The following PXK variants were observed in gnomAD, a reference collection of about 807,000 sequenced individuals.
PXK encodes PX domain-containing protein kinase-like protein.
PXK carries 35 observed loss-of-function variants against 84.7 expected under a neutral mutation model. That is an observed-to-expected ratio of 0.41 (90% CI 0.32 to 0.55). PXK has a LOEUF of 0.55. Ranked by LOEUF, PXK falls within the 20% of genes least tolerant of loss-of-function variation. PXK has a pLI of 0.21. For missense variants in PXK, 634 were observed against 699.7 expected, an observed-to-expected ratio of 0.91 and a Z score of 1.06; for synonymous variants, 253 against 260.8, an observed-to-expected ratio of 0.97 and a Z score of 0.29.
At chr3:58,343,692 A>C (rs185857810) in intron 1 of PXK, among the ~76,000 whole-genome samples, 16 of 152,198 alleles carry the variant, frequency 1.1e-4, no homozygotes, top group Non-Finnish European at 1.3e-4. Context: ...TCCAGACTTT[A>C]TTGTCTATGT....
chr3:58,333,059 T>C lies in PXK; in HGVS notation c.71T>C (p.Ile24Thr). ...LDDTVPLTAA[I>T]EASQSLQSHT... Reference sequence around the variant, plus strand: ...GACACGGTGCCGCTGACAGCAGCCATCGAGGCGAGCCAGAGCCTGCAGTCC... The same window carrying C: ...GACACGGTGCCGCTGACAGCAGCCACCGAGGCGAGCCAGAGCCTGCAGTCC... Residue 24 changes from isoleucine (I) to threonine (T), a missense_variant, in exon 1 of 18, where the codon ATC becomes ACC. Physicochemically the swap from Ile to Thr is moderately conservative, Grantham distance 89 (BLOSUM62 -1). This residue lies in a region of PXK where 353 missense variants were observed against 385.2 expected (regional missense o/e 0.92). Coordinates refer to ENST00000356151, the MANE Select transcript of PXK (RefSeq NM_017771.5). The surrounding 1 kb of genome is among the most constrained non-coding windows in gnomAD (Gnocchi z 5.4). 1 of 1,329,070 alleles carries C rather than the reference T, an allele frequency of 7.5e-7. No individual in the cohort carries two copies. Among genetic ancestry groups the C allele is most frequent in the Non-Finnish European group, 9.8e-7 (1 of 1,025,104 alleles). 82.3% of individuals were successfully genotyped at this position (1,329,070 alleles called of 1,614,324 possible).
chr3:58,375,724 G>T (rs1018703377), intron 3 of PXK, among the ~76,000 whole-genome samples: 10 of 152,082 alleles, frequency 6.6e-5, no homozygotes, highest in African/African-American at 1.9e-4. Flanking sequence ...GTGAGTGTGG[G>T]TGTGTGTGAG....
chr3:58,378,749 T>A (rs1010724853), intron 3 of PXK, among the ~76,000 whole-genome samples: 3 of 151,812 alleles, frequency 2.0e-5, no homozygotes, highest in African/African-American at 7.3e-5. Context: ...TTGGTCAGGC[T>A]AATCTCAAAC....
intron 2 of PXK, among the ~76,000 whole-genome samples, chr3:58,368,649 A>G (rs968129445): frequency 1.3e-5 from 2 of 152,116 alleles, no homozygotes; most frequent in Non-Finnish European, 2.9e-5. Flanking sequence ...AATCTCCTTT[A>G]GTTCAAAGTA....
chr3:58,394,320 C>A (rs111369947), intron 7 of PXK, among the ~76,000 whole-genome samples: 1 of 152,158 alleles, frequency 6.6e-6, no homozygotes, highest in Non-Finnish European at 1.5e-5. Context: ...ACAGCACTTT[C>A]CTTTCACTCA....
chr3:58,388,377 G>A (rs930031929), intron 4 of PXK, among the ~76,000 whole-genome samples: 2 of 152,000 alleles, frequency 1.3e-5, no homozygotes, highest in Non-Finnish European at 2.9e-5. Context: ...TGTCACTGTC[G>A]GTCTTTTAGA....
At chr3:58,389,939 C>A (rs1298397472) in intron 4 of PXK, among the ~76,000 whole-genome samples, 2 of 125,876 alleles carry the variant, frequency 1.6e-5, no homozygotes, top group African/African-American at 6.0e-5. Context: ...GTGGAGGTTG[C>A]GGTGAGCCGA....
chr3:58,401,530 G>A lies in PXK; in HGVS notation c.1181+2153G>A, dbSNP rs1263439104. 6.6e-6 allele frequency among the ~76,000 whole-genome samples: 1 copy of A among 152,180 alleles called. No individual in the cohort carries two copies. The highest frequency in any genetic ancestry group is 2.4e-5 in the African/African-American group (1 of 41,426). ...AATCCCAGCTACTTGGAAGGCTGAG[G>A]TGGTAGAATCGCTTGAGCCTAGGAA... On this transcript the variant is annotated intron_variant, in intron 12 of 17. Coordinates refer to ENST00000356151, the MANE Select transcript of PXK (RefSeq NM_017771.5). The surrounding 1 kb of genome is among the most constrained non-coding windows in gnomAD (Gnocchi z 4.4).
rs774730084 is a variant in PXK, at chr3:58,397,680, G to T, written c.1060G>T (p.Val354Leu). 2 of 1,614,090 alleles carry T rather than the reference G, an allele frequency of 1.2e-6. No individual in the cohort carries two copies. The highest frequency in any genetic ancestry group is 1.7e-6 in the Non-Finnish European group (2 of 1,179,980). The change falls in exon 11 of 18, where the codon GTG becomes TTG. Residue 354 changes from valine to leucine, a missense_variant. Coordinates refer to ENST00000356151, the MANE Select transcript of PXK (RefSeq NM_017771.5). This position sits in a 1 kb window ranked among gnomAD's most constrained non-coding sequence, Gnocchi z 4.7. ...EMTYGRPPDS[V>L]PVDSFPPAPS... The stretch of plus-strand genomic sequence containing the variant: ...GACTTATGGACGACCGCCAGACTCG[G>T]TGCCTGTGGACTCCTTCCCTCCTGC...
chr3:58,420,995 A>G (rs984902912), intron 17 of PXK: 2 of 1,006,736 alleles, frequency 2.0e-6, no homozygotes, highest in African/African-American at 1.7e-5. Context: ...ACTGGCTTTT[A>G]TAACTGACGG....
intron 17 of PXK, chr3:58,422,803 C>T: frequency 3.0e-6 from 3 of 985,418 alleles, no homozygotes; most frequent in Non-Finnish European, 3.6e-6. Flanking sequence ...GCTAGTCAGT[C>T]TCTAGATGGC....
At chr3:58,420,881 T>TA (rs2061721729) in intron 17 of PXK, 1 of 1,175,316 alleles carries the variant, frequency 8.5e-7, no homozygotes, top group Non-Finnish European at 1.1e-6. Flanking sequence ...TTGGAAACCA[T>TA]AACTCTCAAA....
intron 2 of PXK, among the ~76,000 whole-genome samples, chr3:58,367,224 G>A (rs556600345): frequency 7.2e-5 from 11 of 152,062 alleles, no homozygotes; most frequent in African/African-American, 2.7e-4. Context: ...TAAGGGAAAA[G>A]CATAACAAAT....
At chr3:58,420,822 G>A (rs1039303655) in intron 17 of PXK, 2 of 1,317,906 alleles carry the variant, frequency 1.5e-6, no homozygotes, top group Non-Finnish European at 1.9e-6. Flanking sequence ...TTAAAATACA[G>A]CTCTAAAACC....
rs74519062 is a variant in PXK, at chr3:58,399,223, G to A, written c.1103-76G>A. ...GCCCGCAGACAGTTATTGCAAAGTG[G>A]TGTTAAACTTTTCATCAGCAAGTGG... is the stretch of plus-strand genomic sequence containing the variant. On this transcript the variant is annotated intron_variant, in intron 11 of 17. Coordinates refer to ENST00000356151, the MANE Select transcript of PXK (RefSeq NM_017771.5). The surrounding 1 kb of genome is among the most constrained non-coding windows in gnomAD (Gnocchi z 4.3). 1.7e-3 allele frequency: 2,198 copies of A among 1,262,270 alleles called. 3 individuals are homozygous for A. Among genetic ancestry groups the A allele is most frequent in the Non-Finnish European group, 2.4e-3 (2,076 of 863,060 alleles). The allele number at this position is 1,262,270 out of a possible 1,614,324, so 78.2% of individuals were successfully genotyped here.
intron 17 of PXK, chr3:58,423,179 T>G: frequency 2.0e-6 from 2 of 985,066 alleles, no homozygotes; most frequent in Non-Finnish European, 2.4e-6. Context: ...TTCAGAGGAA[T>G]GCTCATCACA....
intron 7 of PXK, among the ~76,000 whole-genome samples, chr3:58,392,318 G>A (rs906287359): frequency 6.6e-6 from 1 of 152,194 alleles, no homozygotes; most frequent in Non-Finnish European, 1.5e-5. Context: ...CGACTACACA[G>A]CTCTAATCCA....
At chr3:58,395,169 G>GCC in intron 8 of PXK, 67 bp downstream of exon 8, 1 of 1,181,590 alleles carries the variant, frequency 8.5e-7, no homozygotes, top group Non-Finnish European at 1.2e-6. Flanking sequence ...TTGATACTTA[G>GCC]TCTCTAAGAC....
rs550700198 is a variant in PXK, at chr3:58,404,575, T to A, written c.1230+665T>A. Among the ~76,000 whole-genome samples, 73 of 152,272 alleles carry A rather than the reference T, an allele frequency of 4.8e-4. 1 individual carries two copies. The South Asian group carries it at 0.014, about 30-fold the overall frequency. ...TACTGACCTATGGGCAAGCACTTAATCTTTGAGTCTGCATGTACTCATGTG... is the reference window on the plus strand; with the variant it reads ...TACTGACCTATGGGCAAGCACTTAAACTTTGAGTCTGCATGTACTCATGTG... On this transcript the variant is annotated intron_variant, in intron 13 of 17. Coordinates refer to ENST00000356151, the MANE Select transcript of PXK (RefSeq NM_017771.5).
Sources: gnomAD v4.1 joint callset for allele counts (sites outside exome capture counted in the v4.1 genomes callset) on GRCh38, gnomAD v4.1.1 for gene constraint, gnomAD v4.1.1 regional missense constraint, Gnocchi (gnomAD v3.1) non-coding constraint, MANE v1.5 for transcripts, NCBI Gene and HGNC (gene_info 2026-07-23, HGNC 2026-07-21) for gene names.